Variants in JADE2 observed in about 807,000 individuals in gnomAD.
The protein encoded by JADE2 is jade family PHD finger 2.
In JADE2, 13 loss-of-function variants were observed where a neutral mutation model predicts 85.7. That is an observed-to-expected ratio of 0.15 (90% CI 0.10 to 0.24). JADE2 has a LOEUF of 0.24. JADE2 is among the 10% of genes least tolerant of loss of function. The pLI, the probability that JADE2 is intolerant of heterozygous loss-of-function variation, is 1.00. For missense variants in JADE2, 846 were observed against 1,115.9 expected, an observed-to-expected ratio of 0.76 and a Z score of 3.45; for synonymous variants, 440 against 456.1, an observed-to-expected ratio of 0.96 and a Z score of 0.45.
chr5:134,564,658 A>C (rs1463341823), intron 8 of JADE2, 48 bp downstream of exon 8: 1 of 1,255,616 alleles, frequency 8.0e-7, no homozygotes, highest in South Asian at 1.4e-5. Flanking sequence ...GCTGAGAGGC[A>C]TGCTTGGGGC....
At chr5:134,554,452 T>G (rs1298764692) in intron 4 of JADE2, among the ~76,000 whole-genome samples, 1 of 152,170 alleles carries the variant, frequency 6.6e-6, no homozygotes, top group Admixed American at 6.5e-5. Flanking sequence ...TCCTCTCTAC[T>G]TGATGTCAGT....
chr5:134,531,938 C>G (rs1425273846), intron 1 of JADE2, among the ~76,000 whole-genome samples: 1 of 131,746 alleles, frequency 7.6e-6, no homozygotes, highest in Non-Finnish European at 1.5e-5. Flanking sequence ...CTCTGTCACC[C>G]AGGCTGGAGT....
rs559573847 is a variant in JADE2 at position 134,581,372 on chromosome 5, G to A, written c.*2055G>A. On this transcript the variant is annotated 3_prime_UTR_variant, in exon 12 of 12. Transcript: ENST00000681547. ...CCTTCCCCATGCTTTGGGTCACCTC[G>A]GGCTGCAACCCTGTCTGTGCCAGAT... The A allele has an allele frequency of 3.3e-5, 5 of 152,810 alleles. No individual in the cohort carries two copies. Among genetic ancestry groups the A allele is most frequent in the Admixed American group, 2.6e-4 (4 of 15,304 alleles). 9.5% of individuals were successfully genotyped at this position (152,810 alleles called of 1,614,324 possible).
In JADE2 at chr5:134,579,356, C is replaced by G. The variant is rs1454009065; in HGVS notation, c.*39C>G. 1 of 1,462,344 alleles carries G rather than the reference C, an allele frequency of 6.8e-7. No individual in the cohort carries two copies. The highest frequency in any genetic ancestry group is 1.3e-5 in the South Asian group (1 of 75,918). 90.6% of individuals were successfully genotyped at this position (1,462,344 alleles called of 1,614,324 possible). A position where few individuals can be genotyped will look rare whatever the true frequency, so the allele number is the denominator to read the frequency against. On this transcript the variant is annotated 3_prime_UTR_variant, in exon 12 of 12. Transcript: ENST00000681547. The surrounding 1 kb of genome is among the most constrained non-coding windows in gnomAD (Gnocchi z 4.6). ...CTGTCCCAGGCCCTGCCCTGGTCCC[C>G]CCACAAGGCCTCAGCCCAGTCACAA...
chr5:134,533,460 A>G, intron 1 of JADE2: 1 of 837,266 alleles, frequency 1.2e-6, no homozygotes, highest in Non-Finnish European at 1.4e-6. Flanking sequence ...GTCTATGAGG[A>G]GAGGAGCTAG....
intron 1 of JADE2, chr5:134,526,719 T>G (rs1439076581): frequency 4.1e-6 from 4 of 985,074 alleles, no homozygotes; most frequent in Admixed American, 6.2e-5. Flanking sequence ...CTGCACAAAT[T>G]AGACAGTTTT....
In JADE2 at chr5:134,552,130, G is replaced by A. The variant is rs1561741958; in HGVS notation, c.232G>A (p.Ala78Thr). 3 of 1,614,210 alleles carry A rather than the reference G, an allele frequency of 1.9e-6. No homozygotes were observed. Among genetic ancestry groups the A allele is most frequent in the Non-Finnish European group, 2.5e-6 (3 of 1,180,026 alleles). Residue 78 changes from alanine to threonine, a missense_variant, in exon 4 of 12, where the codon GCA becomes ACA. This residue lies in a region of JADE2 where 44 missense variants were observed against 92.0 expected (regional missense o/e 0.48). Transcript: ENST00000681547. ...CAGCCCGGATGACTACTACATCCTG[G>A]CAGACCCATGGCGACAGGAATGGGA... ...QLSPDDYYIL[A>T]DPWRQEWEKG...
chr5:134,565,629 G>C (rs190228089), intron 8 of JADE2, among the ~76,000 whole-genome samples: 1 of 152,276 alleles, frequency 6.6e-6, no homozygotes, highest in Non-Finnish European at 1.5e-5. Flanking sequence ...TGGATCACCT[G>C]AGGTCAGGAG....
intron 8 of JADE2, among the ~76,000 whole-genome samples, chr5:134,564,887 T>TG (rs1763544045): frequency 6.6e-6 from 1 of 152,210 alleles, no homozygotes; most frequent in Non-Finnish European, 1.5e-5. Context: ...GCAAGTGTCT[T>TG]GGGGCTTGAT....
chr5:134,556,711 A>G (rs1171063760), intron 4 of JADE2, among the ~76,000 whole-genome samples: 1 of 143,596 alleles, frequency 7.0e-6, no homozygotes, highest in East Asian at 2.1e-4. Flanking sequence ...TACACACCAC[A>G]CACACACCTC....
At chr5:134,556,405 G>A (rs1762915912) in intron 4 of JADE2, among the ~76,000 whole-genome samples, 1 of 151,906 alleles carries the variant, frequency 6.6e-6, no homozygotes, top group Non-Finnish European at 1.5e-5. Context: ...AACATCCCAA[G>A]GTCTCAACAC....
At chr5:134,564,451 C>A in intron 7 of JADE2, 43 bp from the exon 8 acceptor site, 1 of 1,353,792 alleles carries the variant, frequency 7.4e-7, no homozygotes, top group South Asian at 1.4e-5. Context: ...TGGAGGCAGG[C>A]TGGGGATGAG....
Position 134,573,757 on chromosome 5 carries a change from G to T in JADE2, c.1547G>T (p.Cys516Phe), listed in dbSNP as rs1764184189. The T allele has an allele frequency of 6.2e-7, 1 of 1,601,054 alleles. No homozygotes were observed. Among genetic ancestry groups the T allele is most frequent in the African/African-American group, 1.3e-5 (1 of 74,690 alleles). ...ATGAAACTTATTGAACAGGATCTGT[G>T]TCGAGGTAGGCGCCTTCCCCACCTG... ...LQMKLIEQDLCRERSGRRAKG... is the reference protein window; with the variant it reads ...LQMKLIEQDLFRERSGRRAKG... Residue 516 changes from cysteine to phenylalanine, a missense_variant, in exon 10 of 12, where the codon TGT (cysteine) becomes TTT (phenylalanine). Around this residue, in one of 9 missense-constraint regions of JADE2, gnomAD observed 119 missense variants for 163.9 expected, o/e 0.73. Transcript: ENST00000681547.
intron 2 of JADE2, among the ~76,000 whole-genome samples, chr5:134,537,184 G>A (rs957855979): frequency 6.6e-6 from 1 of 152,138 alleles, no homozygotes; most frequent in Non-Finnish European, 1.5e-5. Flanking sequence ...TACCTGCAAG[G>A]CTCCCCACCA....
Position 134,566,375 on chromosome 5 carries a change from C to T in JADE2, c.1229C>T (p.Pro410Leu), listed in dbSNP as rs1763643531. ...GAGGACTTCTACGAGCTGGTGGAGC[C>T]GGCTGAGGTGGCTGAGCGGCTGGAC... ...LEEDFYELVE[P>L]AEVAERLDLA... is the part of the protein sequence containing the mutation. The change falls in exon 9 of 12, where the codon CCG (proline) becomes CTG (leucine). Residue 410 changes from proline to leucine, a missense_variant. Around this residue, in one of 9 missense-constraint regions of JADE2, gnomAD observed 88 missense variants for 140.6 expected, o/e 0.63. Coordinates refer to ENST00000681547, the MANE Select transcript of JADE2 (RefSeq NM_001388185.1). This position sits in a 1 kb window ranked among gnomAD's most constrained non-coding sequence, Gnocchi z 6.7. 1 of 1,613,992 alleles carries T rather than the reference C, an allele frequency of 6.2e-7. No individual in the cohort carries two copies. Among genetic ancestry groups the T allele is most frequent in the Non-Finnish European group, 8.5e-7 (1 of 1,179,996 alleles).
chr5:134,555,248 G>GT (rs1406857400), intron 4 of JADE2, among the ~76,000 whole-genome samples: 2 of 152,200 alleles, frequency 1.3e-5, no homozygotes, highest in Non-Finnish European at 2.9e-5. Flanking sequence ...ACTGAATTGA[G>GT]TGAGGGCCTG....
rs1210102986 is a variant in JADE2, at chr5:134,579,503, T to C, written c.*186T>C. ...CTGTTGTCTTTCCTCTGTGCTGGCC[T>C]AGGACATTAGGATTCCTTCCACGGC... is the stretch of plus-strand genomic sequence containing the variant. On this transcript the variant is annotated 3_prime_UTR_variant, in exon 12 of 12. Coordinates refer to ENST00000681547, the MANE Select transcript of JADE2 (RefSeq NM_001388185.1). The surrounding 1 kb of genome is among the most constrained non-coding windows in gnomAD (Gnocchi z 4.6). 1.7e-6 allele frequency: 1 copy of C among 576,342 alleles called. No individual in the cohort carries two copies. The highest frequency in any genetic ancestry group is 2.8e-5 in the East Asian group (1 of 35,180). The allele number at this position is 576,342 out of a possible 1,614,324, so 35.7% of individuals were successfully genotyped here.
intron 3 of JADE2, 80 bp from the exon 4 acceptor site, chr5:134,551,972 A>G (rs1762618315): frequency 3.0e-6 from 4 of 1,346,560 alleles, no homozygotes; most frequent in Non-Finnish European, 4.2e-6. Context: ...AGTTGCATGT[A>G]TCTGCCTCTT....
chr5:134,559,786 G>T (rs1167595237), intron 4 of JADE2, 44 bp from the exon 5 acceptor site: 3 of 1,578,914 alleles, frequency 1.9e-6, no homozygotes, highest in Non-Finnish European at 2.6e-6. Flanking sequence ...ATGGCGGCAG[G>T]CTGAGGGCCC....
Sources: gnomAD v4.1 joint callset for allele counts (sites outside exome capture counted in the v4.1 genomes callset) on GRCh38, gnomAD v4.1.1 for gene constraint, gnomAD v4.1.1 regional missense constraint, Gnocchi (gnomAD v3.1) non-coding constraint, MANE v1.5 for transcripts, NCBI Gene and HGNC (gene_info 2026-07-23, HGNC 2026-07-21) for gene names.